Variants in HTRA3 observed in about 807,000 individuals in gnomAD.
HTRA3 encodes the protein serine protease HTRA3.
HTRA3 carries 41 observed loss-of-function variants against 43.2 expected under a neutral mutation model. The ratio of observed to expected loss-of-function variants is 0.95; its 90% CI spans 0.74 to 1.23. HTRA3 has a LOEUF of 1.23. Among genes scored for constraint, HTRA3 ranks in the 50% most tolerant of loss-of-function variants. The probability of loss-of-function intolerance (pLI) is 0.00; values close to 1 mark genes in which losing one functional copy is unlikely to be tolerated. For synonymous variants in HTRA3, 295 were observed against 287.9 expected, an observed-to-expected ratio of 1.02 and a Z score of -0.25; for missense variants, 628 against 647.1, an observed-to-expected ratio of 0.97 and a Z score of 0.32.
In HTRA3 at chr4:8,270,046, C is replaced by A. The variant is rs1438039910; in HGVS notation, c.78C>A (p.Pro26=). 3.5e-6 allele frequency: 5 copies of A among 1,440,362 alleles called. No individual in the cohort carries two copies. Among genetic ancestry groups the A allele is most frequent in the East Asian group, 6.0e-5 (2 of 33,264 alleles). 89.2% of individuals were successfully genotyped at this position (1,440,362 alleles called of 1,614,324 possible). A position where few individuals can be genotyped will look rare whatever the true frequency, so the allele number is the denominator to read the frequency against. Residue 26 remains proline (P), a synonymous_variant, in exon 1 of 9, where the codon CCC becomes CCA. Coordinates refer to ENST00000307358, the MANE Select transcript of HTRA3 (RefSeq NM_053044.5). The part of the protein sequence containing the change: ...LAREPPAAPC[P]ARCDVSRCPS... ...GGGAGCCCCCTGCGGCGCCGTGTCC[C>A]GCGCGCTGCGACGTGTCGCGGTGTC...
At position 8,286,764 on chromosome 4, in the gene HTRA3, C is replaced by T. The variant is rs775698968; in HGVS notation, c.689C>T (p.Thr230Ile). ...ATCGACAAGAAGTCGGACATTGCCA[C>T]CATCAAGATCCATCCCAAGGTGGGT... is the stretch of plus-strand genomic sequence containing the variant. ...KDIDKKSDIA[T>I]IKIHPKKKLP... is the part of the protein sequence containing the mutation. Residue 230 changes from threonine to isoleucine, a missense_variant, in exon 3 of 9, where the codon ACC (threonine) becomes ATC (isoleucine). By Grantham distance (89) the Thr-to-Ile change is moderately conservative. Coordinates refer to ENST00000307358, the MANE Select transcript of HTRA3 (RefSeq NM_053044.5). The surrounding 1 kb of genome is among the most constrained non-coding windows in gnomAD (Gnocchi z 4.9). 7 of 1,613,768 alleles carry T rather than the reference C, an allele frequency of 4.3e-6. No homozygotes were observed. The Admixed American group carries it at 1.0e-4, about 23-fold the overall frequency.
At chr4:8,276,327 G>A (rs1412650930) in intron 1 of HTRA3, among the ~76,000 whole-genome samples, 4 of 152,262 alleles carry the variant, frequency 2.6e-5, no homozygotes, top group Non-Finnish European at 5.9e-5. Context: ...CAAATGAGAT[G>A]ATGGACTGAG....
At chr4:8,274,928 G>T (rs1712458067) in intron 1 of HTRA3, among the ~76,000 whole-genome samples, 1 of 152,208 alleles carries the variant, frequency 6.6e-6, no homozygotes, top group Admixed American at 6.5e-5. Flanking sequence ...TGAAGAACTT[G>T]GGTTGGCTTT....
intron 1 of HTRA3, among the ~76,000 whole-genome samples, chr4:8,270,709 CTT>C (rs1323835371): frequency 1.3e-5 from 2 of 152,192 alleles, no homozygotes; most frequent in Admixed American, 6.5e-5. Flanking sequence ...GAAGGGCACT[CTT>C]TCCTGCCCTA....
Position 8,282,652 on chromosome 4 carries a change from C to T in HTRA3, c.485+116C>T, listed in dbSNP as rs185560819. 8.0e-4 allele frequency: 640 copies of T among 803,362 alleles called. 8 individuals carry two copies. The Middle Eastern group carries it at 0.028, about 35-fold the overall frequency. The allele number at this position is 803,362 out of a possible 1,614,324, so 49.8% of individuals were successfully genotyped here. ...GCCTGGGCCACAGAAACTGGAGTGG[C>T]CTGGGGTCAGGCTGACCTCAGTCAC... On this transcript the variant is annotated intron_variant, in intron 2 of 8. Coordinates refer to ENST00000307358, the MANE Select transcript of HTRA3 (RefSeq NM_053044.5).
In HTRA3 at chr4:8,295,884, G is replaced by A. The variant is rs542623634; in HGVS notation, c.1051+1683G>A. On this transcript the variant is annotated intron_variant, in intron 6 of 8. Coordinates refer to ENST00000307358, the MANE Select transcript of HTRA3 (RefSeq NM_053044.5). This position sits in a 1 kb window ranked among gnomAD's most constrained non-coding sequence, Gnocchi z 6.9. ...GTCCATTATGGGAAGACAATCTGGA[G>A]CCAGGCAGAGCCTGTCTTTCCCAAA... The A allele has an allele frequency of 1.4e-5, 17 of 1,235,116 alleles. No homozygotes were observed. In the South Asian group the frequency reaches 6.4e-4, roughly 47 times the overall value. 76.5% of individuals were successfully genotyped at this position (1,235,116 alleles called of 1,614,324 possible). A position where few individuals can be genotyped will look rare whatever the true frequency, so the allele number is the denominator to read the frequency against.
chr4:8,305,441 AG>A (rs1713805211), intron 8 of HTRA3, among the ~76,000 whole-genome samples: 1 of 152,258 alleles, frequency 6.6e-6, no homozygotes, highest in African/African-American at 2.4e-5. Context: ...TTACTCTTCC[AG>A]GTCACACAGC....
chr4:8,276,095 T>C (rs1322549541), intron 1 of HTRA3, among the ~76,000 whole-genome samples: 1 of 152,210 alleles, frequency 6.6e-6, no homozygotes, highest in Non-Finnish European at 1.5e-5. Flanking sequence ...AGCAGGTGAC[T>C]CCCTGGAATT....
At chr4:8,305,538 G>A (rs1713807844) in intron 8 of HTRA3, among the ~76,000 whole-genome samples, 1 of 152,250 alleles carries the variant, frequency 6.6e-6, no homozygotes, top group Non-Finnish European at 1.5e-5. Context: ...AGGTCTCAGT[G>A]AGCCTCATGC....
rs1158126357 is a variant in HTRA3 at position 8,295,713 on chromosome 4, A to T, written c.1051+1512A>T. 2 of 1,415,608 alleles carry T rather than the reference A, an allele frequency of 1.4e-6. No individual in the cohort carries two copies. The highest frequency in any genetic ancestry group is 2.9e-5 in the East Asian group (1 of 35,060). 87.7% of individuals were successfully genotyped at this position (1,415,608 alleles called of 1,614,324 possible). A position where few individuals can be genotyped will look rare whatever the true frequency, so the allele number is the denominator to read the frequency against. On this transcript the variant is annotated intron_variant, in intron 6 of 8. Coordinates refer to ENST00000307358, the MANE Select transcript of HTRA3 (RefSeq NM_053044.5). The surrounding 1 kb of genome is among the most constrained non-coding windows in gnomAD (Gnocchi z 6.9). ...CTCCCAGCCCCCTCACTGGCAGTTCATTGAGAGCAGGGGGCTTCCTCACGT... is the reference window on the plus strand; with the variant it reads ...CTCCCAGCCCCCTCACTGGCAGTTCTTTGAGAGCAGGGGGCTTCCTCACGT...
At chr4:8,291,019 T>TGCA (rs1713215035) in intron 3 of HTRA3, among the ~76,000 whole-genome samples, 1 of 152,252 alleles carries the variant, frequency 6.6e-6, no homozygotes, top group Non-Finnish European at 1.5e-5. Context: ...ACCAGGTGTC[T>TGCA]GCAGCTTTTA....
chr4:8,301,383 C>T (rs1175435513), intron 6 of HTRA3, among the ~76,000 whole-genome samples: 1 of 151,828 alleles, frequency 6.6e-6, no homozygotes, highest in Non-Finnish European at 1.5e-5. Flanking sequence ...TATTGATTTT[C>T]ACTATCAGGT....
chr4:8,277,319 G>A (rs1233152601), intron 1 of HTRA3, among the ~76,000 whole-genome samples: 1 of 152,196 alleles, frequency 6.6e-6, no homozygotes, highest in Non-Finnish European at 1.5e-5. Flanking sequence ...CGGGGCTGGG[G>A]GCTGTTGAGG....
At chr4:8,277,530 G>C (rs1002510789) in intron 1 of HTRA3, among the ~76,000 whole-genome samples, 4 of 152,232 alleles carry the variant, frequency 2.6e-5, no homozygotes, top group Admixed American at 6.5e-5. Context: ...TGCAAAGTCA[G>C]GGTAGGCTCC....
At chr4:8,291,299 T>A (rs915165921) in intron 3 of HTRA3, 71 bp from the exon 4 acceptor site, 24 of 1,366,308 alleles carry the variant, frequency 1.8e-5, no homozygotes, top group Non-Finnish European at 2.4e-5. Context: ...CCTGCCAGGA[T>A]CTGACTCCGG....
intron 2 of HTRA3, among the ~76,000 whole-genome samples, chr4:8,284,222 C>T (rs1463169171): frequency 6.6e-6 from 1 of 152,180 alleles, no homozygotes; most frequent in Non-Finnish European, 1.5e-5. Flanking sequence ...CACACTGACC[C>T]CTCACTGCCC....
At chr4:8,278,303 C>A (rs1387148747) in intron 1 of HTRA3, among the ~76,000 whole-genome samples, 1 of 151,490 alleles carries the variant, frequency 6.6e-6, no homozygotes. Context: ...TGACACCGGA[C>A]ACCTAGCCTC....
intron 3 of HTRA3, among the ~76,000 whole-genome samples, chr4:8,288,800 G>A (rs1578798508): frequency 6.6e-6 from 1 of 150,528 alleles, no homozygotes; most frequent in South Asian, 2.1e-4. Flanking sequence ...TTGAACTCCT[G>A]ACCTCAGGTG....
At chr4:8,275,317 G>C (rs1712474784) in intron 1 of HTRA3, among the ~76,000 whole-genome samples, 1 of 152,170 alleles carries the variant, frequency 6.6e-6, no homozygotes, top group Non-Finnish European at 1.5e-5. Flanking sequence ...AAGGGACTTG[G>C]CGAGACCCGG....
Sources: gnomAD v4.1 joint callset for allele counts (sites outside exome capture counted in the v4.1 genomes callset) on GRCh38, gnomAD v4.1.1 for gene constraint, Gnocchi (gnomAD v3.1) non-coding constraint, MANE v1.5 for transcripts, NCBI Gene and HGNC (gene_info 2026-07-23, HGNC 2026-07-21) for gene names.